The following CELF2 variants were observed in gnomAD, a reference collection of about 807,000 sequenced individuals.
CELF2 encodes the protein CUGBP Elav-like family member 2.
A neutral mutation model predicts 62.6 loss-of-function variants in CELF2; 8 were observed. The observed-to-expected ratio is 0.13, with a 90% confidence interval of 0.07 to 0.23. The LOEUF is 0.23. Among genes scored for constraint, CELF2 ranks in the 10% least tolerant of loss-of-function variants. CELF2 has a pLI of 1.00. For synonymous variants in CELF2, 258 were observed against 250.0 expected (o/e 1.03, Z -0.30); for missense variants, 333 against 671.0 (o/e 0.50, Z 5.56).
At chr10:10,540,559 C>T in the CELF2 span, among the ~76,000 whole-genome samples, 1 of 152,102 alleles carries the variant, frequency 6.6e-6, no homozygotes, top group African/African-American at 2.4e-5. Flanking sequence ...CATGACTAAA[C>T]AGGAGGTTGC....
chr10:10,479,168 AT>A, the CELF2 span, among the ~76,000 whole-genome samples: 1 of 151,676 alleles, frequency 6.6e-6, no homozygotes, highest in East Asian at 1.9e-4. Flanking sequence ...ATCTAAACTA[AT>A]TTTTTTTGTT....
chr10:11,273,235 C>T (rs1440773507), intron 7 of CELF2, among the ~76,000 whole-genome samples: 2 of 151,954 alleles, frequency 1.3e-5, no homozygotes, highest in Admixed American at 6.6e-5. Flanking sequence ...GTACCAGTAC[C>T]GGTCCATGGC....
the CELF2 span, among the ~76,000 whole-genome samples, chr10:10,697,968 T>G: frequency 6.6e-6 from 1 of 152,164 alleles, no homozygotes; most frequent in Admixed American, 6.5e-5. Flanking sequence ...AATTTTTGTA[T>G]TTTTAGTACA....
chr10:10,945,420 A>G (rs2047550921), intron 2 of CELF2, among the ~76,000 whole-genome samples: 1 of 152,134 alleles, frequency 6.6e-6, no homozygotes, highest in South Asian at 2.1e-4. Context: ...GGGAAGTGAC[A>G]AGCCCCACCT....
At chr10:10,771,935 A>G in the CELF2 span, among the ~76,000 whole-genome samples, 1 of 152,316 alleles carries the variant, frequency 6.6e-6, no homozygotes, top group East Asian at 1.9e-4. Context: ...TGATTAATAT[A>G]TAGACGTCGG....
At chr10:10,989,332 G>C (rs2053174470) in intron 2 of CELF2, among the ~76,000 whole-genome samples, 1 of 152,104 alleles carries the variant, frequency 6.6e-6, no homozygotes, top group South Asian at 2.1e-4. Context: ...CCAGATGTTA[G>C]AAAGTATAGC....
intron 11 of CELF2, 97 bp from the exon 12 acceptor site, chr10:11,325,739 A>C: frequency 9.2e-7 from 1 of 1,089,856 alleles, no homozygotes; most frequent in South Asian, 1.7e-5. Flanking sequence ...GTTCAACTAA[A>C]TGCTTAGCCT....
the CELF2 span, among the ~76,000 whole-genome samples, chr10:10,705,457 T>C: frequency 6.6e-6 from 1 of 151,852 alleles, no homozygotes; most frequent in East Asian, 1.9e-4. Flanking sequence ...TAATTTCCTA[T>C]TGTGGGATGA....
chr10:11,277,006 C>T (rs1381469876), intron 8 of CELF2, among the ~76,000 whole-genome samples: 1 of 152,210 alleles, frequency 6.6e-6, no homozygotes, highest in Non-Finnish European at 1.5e-5. Flanking sequence ...CACACTAAGT[C>T]CTCACAGGCT....
At chr10:10,566,358 T>C in the CELF2 span, among the ~76,000 whole-genome samples, 3 of 151,642 alleles carry the variant, frequency 2.0e-5, no homozygotes, top group South Asian at 6.2e-4. Flanking sequence ...CTCTAGGTTC[T>C]TGCAAGGACC....
chr10:10,524,817 C>T, the CELF2 span, among the ~76,000 whole-genome samples: 1 of 152,020 alleles, frequency 6.6e-6, no homozygotes, highest in African/African-American at 2.4e-5. Context: ...AAATATAGCA[C>T]GTGTATTTCT....
At position 10,927,346 on chromosome 10, in the gene CELF2, T is replaced by TAAAAAAAAAAAAAAA. The variant is rs34283995; in HGVS notation, c.89+7353_89+7367dup. 95 of 85,812 alleles carry TAAAAAAAAAAAAAAA rather than the reference T, an allele frequency of 1.1e-3. 4 individuals carry two copies. The highest frequency in any genetic ancestry group is 4.7e-3 in the African/African-American group (82 of 17,580). 5.3% of individuals were successfully genotyped at this position (85,812 alleles called of 1,614,324 possible). ...CACTCAAAGGAGAACCTAGTGACAT[T>TAAAAAAAAAAAAAAA]AAAAAAAAAAAAAAAAAAAACACCT... On this transcript the variant is annotated intron_variant, in intron 2 of 13. Coordinates refer to the CELF2 transcript ENST00000636488.
At chr10:10,970,718 TC>T (rs1378781523) in intron 2 of CELF2, 4 of 152,230 alleles carry the variant, frequency 2.6e-5, no homozygotes, top group Admixed American at 6.5e-5. Flanking sequence ...ACTCACCTCT[TC>T]ATTCCAAATT....
At chr10:10,815,984 A>G (rs1424576080) in intron 1 of CELF2, among the ~76,000 whole-genome samples, 1 of 127,986 alleles carries the variant, frequency 7.8e-6, no homozygotes, top group Admixed American at 8.5e-5. Flanking sequence ...ACGATGTTTT[A>G]TCTTCGTGAA....
chr10:10,949,532 C>T (rs1358309353), intron 2 of CELF2, among the ~76,000 whole-genome samples: 4 of 151,996 alleles, frequency 2.6e-5, no homozygotes, highest in African/African-American at 9.7e-5. Context: ...TGGCTCATGC[C>T]TGTAATCTCA....
Position 11,314,154 on chromosome 10 carries a change from C to G in CELF2, c.992C>G (p.Pro331Arg). ...ALTSPVAASTPNSTAGAAMNS... is the reference protein window; with the variant it reads ...ALTSPVAASTRNSTAGAAMNS... The stretch of plus-strand genomic sequence containing the variant: ...CTTTTTTCAGTGGCTGCTTCAACCC[C>G]CAACTCCACTGCTGGTGCAGCCATG... Residue 331 changes from proline to arginine, a missense_variant, in exon 10 of 13, where the codon CCC becomes CGC. Coordinates refer to ENST00000633077, the MANE Select transcript of CELF2 (RefSeq NM_001326342.2). This position sits in a 1 kb window ranked among gnomAD's most constrained non-coding sequence, Gnocchi z 5.3. 1 of 1,613,684 alleles carries G rather than the reference C, an allele frequency of 6.2e-7. No homozygotes were observed.
At chr10:10,527,762 T>A in the CELF2 span, among the ~76,000 whole-genome samples, 1 of 152,290 alleles carries the variant, frequency 6.6e-6, no homozygotes, top group Admixed American at 6.5e-5. Context: ...ACATAGTTGT[T>A]CTCCTCTGGG....
chr10:11,048,838 A>G (rs929498736), intron 1 of CELF2, among the ~76,000 whole-genome samples: 6 of 152,250 alleles, frequency 3.9e-5, no homozygotes, highest in African/African-American at 1.4e-4. Flanking sequence ...GTGTGTGCAC[A>G]TAAGTGCATT....
rs187716861 is a variant in CELF2 at position 10,858,199 on chromosome 10, A to G, written c.53+59382A>G. ...AATATGATGAAAACTACAAACCCAC[A>G]GGTCCAAGAATTTCACAAACACCAA... On this transcript the variant is annotated intron_variant, in intron 1 of 13. Coordinates refer to the CELF2 transcript ENST00000636488. 4.8e-4 allele frequency among the ~76,000 whole-genome samples: 73 copies of G among 152,266 alleles called. No homozygotes were observed. In the South Asian group the frequency reaches 6.4e-3, roughly 13 times the overall value.
Sources: gnomAD v4.1 joint callset for allele counts (sites outside exome capture counted in the v4.1 genomes callset) on GRCh38, gnomAD v4.1.1 for gene constraint, Gnocchi (gnomAD v3.1) non-coding constraint, MANE v1.5 for transcripts, NCBI Gene and HGNC (gene_info 2026-07-23, HGNC 2026-07-21) for gene names.